The following EPHA6 variants were observed in gnomAD, a reference collection of about 807,000 sequenced individuals.
EPHA6 encodes ephrin type-A receptor 6.
In EPHA6, 50 loss-of-function variants were observed where a neutral mutation model predicts 112.0. The ratio of observed to expected loss-of-function variants is 0.45; its 90% CI spans 0.36 to 0.56. The LOEUF (loss-of-function observed/expected upper bound fraction) is 0.56, where lower values mean the gene tolerates loss of function less well. Among genes scored for constraint, EPHA6 ranks in the 20% least tolerant of loss-of-function variants. EPHA6 has a pLI of 0.00. For missense variants in EPHA6, 1,280 were observed against 1,417.4 expected (o/e 0.90, Z 1.56); for synonymous variants, 529 against 490.7 (o/e 1.08, Z -1.03).
chr3:96,833,089 C>T (rs1220450214), intron 1 of EPHA6, among the ~76,000 whole-genome samples: 1 of 151,206 alleles, frequency 6.6e-6, no homozygotes, highest in Non-Finnish European at 1.5e-5. Context: ...ATGTTGAAGC[C>T]TTAACTCCTA....
intron 2 of EPHA6, among the ~76,000 whole-genome samples, chr3:96,920,810 A>C (rs1368225352): frequency 6.6e-6 from 1 of 152,066 alleles, no homozygotes; most frequent in Non-Finnish European, 1.5e-5. Context: ...TGTTCTCTGC[A>C]ATGAAAATTT....
intron 3 of EPHA6, among the ~76,000 whole-genome samples, chr3:97,034,878 G>A (rs888189872): frequency 1.3e-5 from 2 of 151,814 alleles, no homozygotes; most frequent in Admixed American, 6.6e-5. Context: ...AGCAATTAAG[G>A]TTCCTCACAC....
At chr3:97,542,600 G>A (rs2092877551) in intron 11 of EPHA6, among the ~76,000 whole-genome samples, 2 of 152,158 alleles carry the variant, frequency 1.3e-5, no homozygotes, top group South Asian at 4.1e-4. Context: ...AATCCTTTGG[G>A]TATATACCCA....
At chr3:96,917,581 A>C (rs1156970177) in intron 2 of EPHA6, among the ~76,000 whole-genome samples, 1 of 152,052 alleles carries the variant, frequency 6.6e-6, no homozygotes, top group African/African-American at 2.4e-5. Context: ...GCTCCCATGC[A>C]CAGTACACCA....
intron 11 of EPHA6, among the ~76,000 whole-genome samples, chr3:97,562,139 C>T (rs2093201444): frequency 6.6e-6 from 1 of 152,152 alleles, no homozygotes; most frequent in Non-Finnish European, 1.5e-5. Flanking sequence ...GCTTAGAAAA[C>T]ATCCATTCTG....
At position 97,532,125 on chromosome 3, in the gene EPHA6, A is replaced by G. The variant is rs371247489; in HGVS notation, c.2201-233A>G. 4.7e-4 allele frequency among the ~76,000 whole-genome samples: 71 copies of G among 152,246 alleles called. No homozygotes were observed. The South Asian group carries it at 0.013, about 28-fold the overall frequency. ...CTCAGCAGATCAGGGATATCTATCA[A>G]TAGTATTTCCTGTGATATAGCACAT... is the stretch of plus-strand genomic sequence containing the variant. On this transcript the variant is annotated intron_variant, in intron 10 of 17. Transcript: ENST00000389672.
chr3:97,622,855 T>C (rs1163641047), intron 13 of EPHA6, among the ~76,000 whole-genome samples: 3 of 151,832 alleles, frequency 2.0e-5, no homozygotes, highest in Non-Finnish European at 4.4e-5. Flanking sequence ...TAATGATTTG[T>C]GGTTTTCAGG....
intron 2 of EPHA6, among the ~76,000 whole-genome samples, chr3:96,918,219 G>A (rs2039581669): frequency 6.6e-6 from 1 of 152,218 alleles, no homozygotes; most frequent in Non-Finnish European, 1.5e-5. Flanking sequence ...GATTTACTCA[G>A]ATGCTAGAGA....
chr3:97,354,615 A>G lies in EPHA6; in HGVS notation c.1607-50535A>G, dbSNP rs142325937. Among the ~76,000 whole-genome samples, 820 of 152,252 alleles carry G rather than the reference A, an allele frequency of 5.4e-3. 13 individuals are homozygous for G. The highest frequency in any genetic ancestry group is 0.019 in the African/African-American group (787 of 41,552). On this transcript the variant is annotated intron_variant, in intron 5 of 17. Coordinates refer to ENST00000389672, the MANE Select transcript of EPHA6 (RefSeq NM_001080448.3). ...AGCACACCTACAGGATCTAGAAAATAGCCAAAAAAGGGAAAATCAAAGAAT... is the reference window on the plus strand; with the variant it reads ...AGCACACCTACAGGATCTAGAAAATGGCCAAAAAAGGGAAAATCAAAGAAT...
intron 7 of EPHA6, among the ~76,000 whole-genome samples, chr3:97,451,156 C>T (rs1490575200): frequency 4.6e-5 from 7 of 151,996 alleles, no homozygotes; most frequent in Non-Finnish European, 8.8e-5. Context: ...ACTTTTTAGC[C>T]ATATTAAGGA....
At chr3:97,356,569 A>G (rs1020954658) in intron 5 of EPHA6, among the ~76,000 whole-genome samples, 1 of 151,928 alleles carries the variant, frequency 6.6e-6, no homozygotes, top group African/African-American at 2.4e-5. Context: ...TGATTACTTT[A>G]GAGTGTGGTG....
At chr3:97,221,307 T>TAAAAAAAAAA (rs2078189344) in intron 3 of EPHA6, among the ~76,000 whole-genome samples, 1 of 26,650 alleles carries the variant, frequency 3.8e-5, no homozygotes, top group Non-Finnish European at 6.5e-5. Flanking sequence ...AGACTCTGTC[T>TAAAAAAAAAA]CAAAAAAAAA....
chr3:96,929,522 G>A (rs1289207671), intron 2 of EPHA6, among the ~76,000 whole-genome samples: 3 of 152,252 alleles, frequency 2.0e-5, no homozygotes, highest in Non-Finnish European at 4.4e-5. Flanking sequence ...GAAATTCTGG[G>A]TTGGCAGTTT....
At chr3:97,631,150 A>G (rs1473539581) in intron 13 of EPHA6, among the ~76,000 whole-genome samples, 1 of 152,048 alleles carries the variant, frequency 6.6e-6, no homozygotes, top group African/African-American at 2.4e-5. Flanking sequence ...AGCAAAACAA[A>G]AGTAAGTGGA....
At chr3:97,712,792 C>T (rs1199556758) in intron 14 of EPHA6, among the ~76,000 whole-genome samples, 2 of 152,118 alleles carry the variant, frequency 1.3e-5, no homozygotes, top group Non-Finnish European at 2.9e-5. Flanking sequence ...TGTTTTATTA[C>T]AGGAACAACA....
At chr3:96,949,071 A>G (rs2041414406) in intron 2 of EPHA6, among the ~76,000 whole-genome samples, 1 of 152,056 alleles carries the variant, frequency 6.6e-6, no homozygotes, top group Non-Finnish European at 1.5e-5. Flanking sequence ...GATGAATCCT[A>G]TTGTCTGTTG....
chr3:96,880,597 A>G (rs2037254458), intron 2 of EPHA6, among the ~76,000 whole-genome samples: 1 of 152,158 alleles, frequency 6.6e-6, no homozygotes, highest in Admixed American at 6.5e-5. Context: ...AGTATCATTT[A>G]GCACATTCAC....
intron 1 of EPHA6, among the ~76,000 whole-genome samples, chr3:96,818,436 T>G (rs751051262): frequency 2.0e-5 from 3 of 152,008 alleles, no homozygotes; most frequent in Non-Finnish European, 4.4e-5. Flanking sequence ...TTAGCAATAC[T>G]TTGTGAATCG....
chr3:97,030,377 C>T (rs1001107124), intron 3 of EPHA6, among the ~76,000 whole-genome samples: 21 of 152,080 alleles, frequency 1.4e-4, no homozygotes, highest in African/African-American at 5.1e-4. Flanking sequence ...ACATGAGGTA[C>T]ACTCTACCTA....
Sources: gnomAD v4.1 joint callset for allele counts (sites outside exome capture counted in the v4.1 genomes callset) on GRCh38, gnomAD v4.1.1 for gene constraint, MANE v1.5 for transcripts, NCBI Gene and HGNC (gene_info 2026-07-23, HGNC 2026-07-21) for gene names.